Variants in CEP85L observed in about 807,000 individuals in gnomAD.
The protein encoded by CEP85L is centrosomal protein of 85 kDa-like.
In CEP85L, 60 loss-of-function variants were observed where a neutral mutation model predicts 100.3. The observed-to-expected ratio is 0.60, with a 90% CI of 0.49 to 0.74. CEP85L has a LOEUF of 0.74. CEP85L is among the 30% of genes least tolerant of loss of function. The pLI, the probability that CEP85L is intolerant of heterozygous loss-of-function variation, is 0.00. For synonymous variants in CEP85L, 319 were observed against 322.7 expected, an observed-to-expected ratio of 0.99 and a Z score of 0.12; for missense variants, 973 against 936.2, an observed-to-expected ratio of 1.04 and a Z score of -0.51.
intron 3 of CEP85L, among the ~76,000 whole-genome samples, chr6:118,551,171 C>T (rs1444337678): frequency 6.6e-6 from 1 of 151,824 alleles, no homozygotes; most frequent in African/African-American, 2.4e-5. Context: ...TCTCTTTGTA[C>T]AATTTCAAAG....
intron 2 of CEP85L, among the ~76,000 whole-genome samples, chr6:118,599,507 T>A (rs1296365057): frequency 6.6e-6 from 1 of 152,196 alleles, no homozygotes; most frequent in Non-Finnish European, 1.5e-5. Flanking sequence ...CCAAATCATA[T>A]ATATAAGTAT....
chr6:118,503,148 A>G (rs1219484552), intron 5 of CEP85L, among the ~76,000 whole-genome samples: 1 of 152,216 alleles, frequency 6.6e-6, no homozygotes, highest in East Asian at 1.9e-4. Context: ...GTATGTCAAC[A>G]ATGAACAAGT....
intron 2 of CEP85L, among the ~76,000 whole-genome samples, chr6:118,600,295 C>G (rs58307233): frequency 4.0e-4 from 4 of 9,878 alleles, no homozygotes; most frequent in East Asian, 0.012. Flanking sequence ...CTGAGCCTTC[C>G]TGGGGGTGTG....
intron 2 of CEP85L, among the ~76,000 whole-genome samples, chr6:118,567,118 C>A (rs1487972884): frequency 3.3e-5 from 5 of 151,098 alleles, no homozygotes; most frequent in African/African-American, 1.2e-4. Flanking sequence ...GGTGCTCCTG[C>A]AATAATGAAA....
chr6:118,495,470 T>C (rs974218302), intron 5 of CEP85L, among the ~76,000 whole-genome samples: 1 of 152,162 alleles, frequency 6.6e-6, no homozygotes, highest in Admixed American at 6.5e-5. Context: ...CAAAGGGCTT[T>C]TCCCTCTTTG....
chr6:118,482,013 G>T (rs1773823579), intron 7 of CEP85L, 80 bp from the exon 8 acceptor site: 2 of 700,582 alleles, frequency 2.9e-6, no homozygotes, highest in African/African-American at 2.0e-5. Flanking sequence ...GTGTTGGCAA[G>T]GATTAACAGA....
chr6:118,493,545 A>G (rs1774710584), intron 5 of CEP85L, among the ~76,000 whole-genome samples: 1 of 152,214 alleles, frequency 6.6e-6, no homozygotes, highest in Non-Finnish European at 1.5e-5. Context: ...ATTCTAACTA[A>G]TTTAGCTGAA....
At chr6:118,621,524 A>G (rs1463875706) in intron 2 of CEP85L, among the ~76,000 whole-genome samples, 1 of 152,132 alleles carries the variant, frequency 6.6e-6, no homozygotes, top group African/African-American at 2.4e-5. Flanking sequence ...GACCTAGGCC[A>G]ATTCTCAAGT....
chr6:118,527,118 G>A (rs889640240), intron 3 of CEP85L, among the ~76,000 whole-genome samples: 5 of 148,048 alleles, frequency 3.4e-5, no homozygotes, highest in African/African-American at 1.0e-4. Context: ...GGGTTCAAGC[G>A]ATTCTCCTGC....
At chr6:118,519,558 GTGTGTGTGTGTGTGTGTGTGT>G (rs1776523993) in intron 4 of CEP85L, among the ~76,000 whole-genome samples, 1 of 15,052 alleles carries the variant, frequency 6.6e-5, no homozygotes, top group Admixed American at 3.5e-4. Flanking sequence ...GTGTGTGTGT[GTGTGTGTGTGTGTGTGTGTGT>G]GTGGCGGGGG....
At chr6:118,652,434 C>A, upstream of CEP85L, 2 of 1,167,486 alleles carry the variant, frequency 1.7e-6, no homozygotes, top group East Asian at 5.4e-5. Context: ...ATGCTTCCAA[C>A]GTTTAGTTAC....
intron 6 of CEP85L, 160 bp downstream of exon 6, chr6:118,491,526 C>A: frequency 7.3e-7 from 1 of 1,372,378 alleles, no homozygotes; most frequent in Non-Finnish European, 9.4e-7. Flanking sequence ...TGGATTTCTG[C>A]AGACAGCAGA....
At chr6:118,574,737 G>A (rs1401687524) in intron 2 of CEP85L, among the ~76,000 whole-genome samples, 1 of 151,836 alleles carries the variant, frequency 6.6e-6, no homozygotes, top group African/African-American at 2.4e-5. Flanking sequence ...AAAAGCCAGG[G>A]GGCAGCAGGA....
intron 3 of CEP85L, among the ~76,000 whole-genome samples, chr6:118,544,282 T>C (rs752046499): frequency 2.4e-4 from 37 of 152,188 alleles, no homozygotes; most frequent in Non-Finnish European, 4.4e-4. Context: ...ATTTGTTTTG[T>C]GATGTATGTG....
intron 2 of CEP85L, among the ~76,000 whole-genome samples, chr6:118,591,964 A>G (rs1035225422): frequency 2.6e-5 from 4 of 152,248 alleles, no homozygotes; most frequent in Admixed American, 6.5e-5. Context: ...AAAAGAATGT[A>G]AATCAAATTG....
At chr6:118,677,146 C>T (rs1776509559) in intron 1 of CEP85L, among the ~76,000 whole-genome samples, 2 of 151,946 alleles carry the variant, frequency 1.3e-5, no homozygotes, top group South Asian at 2.1e-4. Context: ...AATCATTTCA[C>T]CTCTTTGGGA....
intron 3 of CEP85L, among the ~76,000 whole-genome samples, chr6:118,561,854 G>A (rs1391002495): frequency 6.6e-6 from 1 of 152,090 alleles, no homozygotes; most frequent in Non-Finnish European, 1.5e-5. Flanking sequence ...AGACACACAA[G>A]AGGGCAGACG....
At chr6:118,681,938 G>A (rs973877902) in intron 1 of CEP85L, among the ~76,000 whole-genome samples, 4 of 151,716 alleles carry the variant, frequency 2.6e-5, no homozygotes, top group Admixed American at 6.6e-5. Flanking sequence ...ACGGGGTTTC[G>A]CCATGTTGCC....
chr6:118,580,213 G>C (rs73528704), intron 2 of CEP85L, among the ~76,000 whole-genome samples: 3 of 151,954 alleles, frequency 2.0e-5, no homozygotes, highest in East Asian at 1.9e-4. Context: ...CTTTCTTGCC[G>C]ATTTATTAAA....
Sources: allele counts gnomAD v4.1 joint callset (sites outside exome capture counted in the v4.1 genomes callset), GRCh38; gene constraint gnomAD v4.1.1; transcripts MANE v1.5; gene names NCBI Gene and HGNC (gene_info 2026-07-23, HGNC 2026-07-21).